Variants in ATP11A observed in about 807,000 individuals in gnomAD.
ATP11A encodes phospholipid-transporting ATPase IH.
In ATP11A, 81 loss-of-function variants were observed where a neutral mutation model predicts 154.4. That is an observed-to-expected ratio of 0.52 (90% CI 0.44 to 0.63). ATP11A has a LOEUF of 0.63. ATP11A is among the 30% of genes least tolerant of loss of function. The pLI, the probability that ATP11A is intolerant of heterozygous loss-of-function variation, is 0.00. For synonymous variants in ATP11A, 623 were observed against 585.9 expected (o/e 1.06, Z -0.91); for missense variants, 1,316 against 1,474.3 (o/e 0.89, Z 1.76).
chr13:112,723,214 G>T (rs71446911), intron 1 of ATP11A, among the ~76,000 whole-genome samples: 11,409 of 149,194 alleles, frequency 0.076, 573 homozygotes, highest in Middle Eastern at 0.12. Context: ...GTGGGTTGAG[G>T]TAAAGAGGTT....
At chr13:112,863,891 CCTGCGCAGTAATTCA>C (rs2080219418) in intron 25 of ATP11A, among the ~76,000 whole-genome samples, 1 of 96,866 alleles carries the variant, frequency 1.0e-5, no homozygotes, top group Admixed American at 1.2e-4. Flanking sequence ...TCCATCACCA[CCTGCGCAGTAATTCA>C]GTGCAGCACG....
intron 29 of ATP11A, among the ~76,000 whole-genome samples, chr13:112,879,977 CCT>C (rs1447644343): frequency 6.6e-6 from 1 of 152,242 alleles, no homozygotes; most frequent in Non-Finnish European, 1.5e-5. Context: ...GCAGCCTCAT[CCT>C]CTGTTTCCTA....
In ATP11A at chr13:112,790,300, T is replaced by C. The variant is rs541392250; in HGVS notation, c.162+5043T>C. 3.5e-5 allele frequency among the ~76,000 whole-genome samples: 5 copies of C among 143,146 alleles called. No homozygotes were observed. In the East Asian group the frequency reaches 8.9e-4, roughly 25 times the overall value. 93.9% of individuals were successfully genotyped at this position (143,146 alleles called of 152,430 possible). A position where few individuals can be genotyped will look rare whatever the true frequency, so the allele number is the denominator to read the frequency against. On this transcript the variant is annotated intron_variant, in intron 2 of 29. Coordinates refer to ENST00000375645, the MANE Select transcript of ATP11A (RefSeq NM_015205.3). ...CCTATGTAGACATACTTAATTCACA[T>C]TGAGCATCCTGACGTGTAGACCCCT...
intron 17 of ATP11A, among the ~76,000 whole-genome samples, chr13:112,843,637 G>T (rs929520248): frequency 9.9e-5 from 15 of 152,092 alleles, no homozygotes; most frequent in African/African-American, 3.4e-4. Context: ...GGTACTCAGC[G>T]CTCCCTTCAC....
In ATP11A at chr13:112,816,165, C is replaced by T. The variant is rs189256530; in HGVS notation, c.524C>T (p.Thr175Met). The T allele has an allele frequency of 4.3e-6, 7 of 1,614,118 alleles. No individual in the cohort carries two copies. The highest frequency in any genetic ancestry group is 4.5e-5 in the East Asian group (2 of 44,862). The part of the protein sequence containing the change: ...IFLSSNRGDG[T>M]CHVTTASLDG... The stretch of plus-strand genomic sequence containing the variant: ...CTTTCCAGCAACCGGGGAGATGGGA[C>T]GTGCCACGTCACCACCGCCAGCTTG... The change falls in exon 6 of 30, where the codon ACG becomes ATG. Residue 175 changes from threonine (T) to methionine (M), a missense_variant. Around this residue, in one of 5 missense-constraint regions of ATP11A, gnomAD observed 876 missense variants for 1,006.8 expected, o/e 0.87. Coordinates refer to ENST00000375645, the MANE Select transcript of ATP11A (RefSeq NM_015205.3).
intron 26 of ATP11A, 34 bp downstream of exon 26, chr13:112,871,834 C>T (rs752829248): frequency 1.3e-6 from 2 of 1,588,608 alleles, no homozygotes; most frequent in South Asian, 2.2e-5. Flanking sequence ...CCTCCCCCAG[C>T]CACAGTGAAC....
chr13:112,828,714 A>C (rs961172311), intron 12 of ATP11A, among the ~76,000 whole-genome samples: 1 of 152,210 alleles, frequency 6.6e-6, no homozygotes, highest in African/African-American at 2.4e-5. Flanking sequence ...TGTCCTGACC[A>C]AAACCAGGCT....
chr13:112,798,508 G>C (rs957392429), intron 2 of ATP11A, among the ~76,000 whole-genome samples: 4 of 152,188 alleles, frequency 2.6e-5, no homozygotes, highest in African/African-American at 9.7e-5. Flanking sequence ...GATTGCTCAG[G>C]GGTGAATGAA....
At chr13:112,709,290 A>C (rs1309381482) in intron 1 of ATP11A, among the ~76,000 whole-genome samples, 1 of 152,224 alleles carries the variant, frequency 6.6e-6, no homozygotes, top group Admixed American at 6.5e-5. Context: ...TGACTCTGGC[A>C]TAACAAGGAA....
At chr13:112,850,718 A>G (rs1170504176) in intron 17 of ATP11A, among the ~76,000 whole-genome samples, 6 of 152,186 alleles carry the variant, frequency 3.9e-5, no homozygotes, top group Admixed American at 3.9e-4. Context: ...AAAGGAACAA[A>G]TTTTATCTTT....
intron 4 of ATP11A, among the ~76,000 whole-genome samples, chr13:112,808,509 T>C (rs1166317184): frequency 8.1e-5 from 12 of 148,284 alleles, no homozygotes; most frequent in East Asian, 6.2e-4. Context: ...CTGACCTCCT[T>C]GTCCCTCTTC....
chr13:112,825,323 C>G, intron 10 of ATP11A, 107 bp from the exon 11 acceptor site: 1 of 1,287,314 alleles, frequency 7.8e-7, no homozygotes, highest in African/African-American at 1.5e-5. Context: ...ATCACTGTGC[C>G]CTTCCTATTC....
chr13:112,820,336 G>C (rs2078765702), intron 8 of ATP11A, among the ~76,000 whole-genome samples: 1 of 152,196 alleles, frequency 6.6e-6, no homozygotes, highest in South Asian at 2.1e-4. Flanking sequence ...TTCTAATTTG[G>C]AGGCCGTTTT....
intron 1 of ATP11A, among the ~76,000 whole-genome samples, chr13:112,732,171 C>T (rs900369515): frequency 1.3e-5 from 2 of 152,124 alleles, no homozygotes; most frequent in East Asian, 1.9e-4. Flanking sequence ...GGGCCCGTGA[C>T]GGTCTGGAGT....
intron 12 of ATP11A, among the ~76,000 whole-genome samples, chr13:112,830,415 A>G (rs893591681): frequency 2.6e-5 from 4 of 152,106 alleles, no homozygotes; most frequent in African/African-American, 9.7e-5. Flanking sequence ...ATCTCTACTA[A>G]AAATACAAAA....
chr13:112,711,250 C>T (rs958714994), intron 1 of ATP11A, among the ~76,000 whole-genome samples: 2 of 152,098 alleles, frequency 1.3e-5, no homozygotes, highest in Admixed American at 6.6e-5. Flanking sequence ...AAAATTTTGT[C>T]GCTTAAAAAA....
In ATP11A at chr13:112,864,908, T is replaced by A. The variant is rs1400987572; in HGVS notation, c.2991+2333T>A. ...AGGCCTGCGCAGCTTCCCAGCGGGG[T>A]CCATCACCACCTGCGCAGTAATTCA... is the stretch of plus-strand genomic sequence containing the variant. On this transcript the variant is annotated intron_variant, in intron 25 of 29. Transcript: ENST00000375645. 7.2e-3 allele frequency among the ~76,000 whole-genome samples: 358 copies of A among 49,448 alleles called. 9 individuals are homozygous for A. Among genetic ancestry groups the A allele is most frequent in the Admixed American group, 0.014 (46 of 3,174 alleles). The allele number at this position is 49,448 out of a possible 152,430, so 32.4% of individuals were successfully genotyped here. A position where few individuals can be genotyped will look rare whatever the true frequency, so the allele number is the denominator to read the frequency against.
At chr13:112,715,223 A>T (rs565525435) in intron 1 of ATP11A, among the ~76,000 whole-genome samples, 154 of 152,238 alleles carry the variant, frequency 1.0e-3, no homozygotes, top group Admixed American at 1.9e-3. Flanking sequence ...TAGCCCCCTC[A>T]GGTGCCCCAA....
At chr13:112,819,209 C>A in intron 6 of ATP11A, 95 bp from the exon 7 acceptor site, 1 of 983,906 alleles carries the variant, frequency 1.0e-6, no homozygotes, top group Non-Finnish European at 1.6e-6. Context: ...CTCATAGGGT[C>A]AGCCAGGCTT....
Sources: allele counts gnomAD v4.1 joint callset (sites outside exome capture counted in the v4.1 genomes callset), GRCh38; gene constraint gnomAD v4.1.1; regional missense constraint gnomAD v4.1.1; transcripts MANE v1.5; gene names NCBI Gene and HGNC (gene_info 2026-07-23, HGNC 2026-07-21).